The following KIAA1328 variants were observed in gnomAD, a reference collection of about 807,000 sequenced individuals.
The protein encoded by KIAA1328 is protein hinderin.
Under a neutral mutation model 68.1 loss-of-function variants are expected in KIAA1328, and 52 were observed. The ratio of observed to expected loss-of-function variants is 0.76; its 90% CI spans 0.61 to 0.96. KIAA1328 has a LOEUF of 0.96. KIAA1328 is among the 40% of genes least tolerant of loss of function. The pLI is 0.00. For missense variants in KIAA1328, 641 were observed against 677.6 expected (o/e 0.95, Z 0.60); for synonymous variants, 232 against 239.4 (o/e 0.97, Z 0.28).
chr18:37,166,574 A>G (rs779556112), intron 8 of KIAA1328, among the ~76,000 whole-genome samples: 33 of 152,170 alleles, frequency 2.2e-4, no homozygotes, highest in Non-Finnish European at 4.4e-4. Context: ...AGCAGTCTAA[A>G]AGATGGCAGC....
At chr18:37,154,233 C>T (rs984046617) in intron 7 of KIAA1328, among the ~76,000 whole-genome samples, 1 of 152,132 alleles carries the variant, frequency 6.6e-6, no homozygotes, top group African/African-American at 2.4e-5. Context: ...AATTCAGTTT[C>T]GACAAGTGGG....
At chr18:37,036,696 C>G (rs1403811566) in intron 6 of KIAA1328, among the ~76,000 whole-genome samples, 2 of 152,192 alleles carry the variant, frequency 1.3e-5, no homozygotes, top group Non-Finnish European at 2.9e-5. Context: ...AGGCCACCCT[C>G]TTTCCACATG....
chr18:36,947,179 ATGAAT>A (rs1177080000), intron 5 of KIAA1328, among the ~76,000 whole-genome samples: 2 of 152,154 alleles, frequency 1.3e-5, no homozygotes, highest in Non-Finnish European at 2.9e-5. Context: ...AAAACCAGAA[ATGAAT>A]TGTATTACAT....
chr18:37,124,209 A>G (rs1232125695), intron 7 of KIAA1328, among the ~76,000 whole-genome samples: 2 of 152,204 alleles, frequency 1.3e-5, no homozygotes, highest in African/African-American at 4.8e-5. Flanking sequence ...TAAAAAATAA[A>G]AAGAGATGTT....
chr18:36,981,256 A>G (rs758314886), intron 6 of KIAA1328, among the ~76,000 whole-genome samples: 1 of 152,222 alleles, frequency 6.6e-6, no homozygotes, highest in Admixed American at 6.5e-5. Context: ...TCAACAAATC[A>G]GAAAAGAAAG....
rs758920608 is a variant in KIAA1328, at chr18:37,222,078, C to T, written c.1585C>T (p.Gln529Ter). The part of the protein sequence containing the change: ...SLSPNSAPKP[Q>*]RYPSREAGAW... ...GAGCCCAAACTCTGCGCCCAAACCT[C>T]AGCGCTATCCCTCCAGAGAAGCTGG... Residue 529 changes from glutamine (Q) to a stop codon, truncating the protein, a stop_gained, in exon 10 of 10, where the codon CAG becomes TAG. Coordinates refer to ENST00000280020, the MANE Select transcript of KIAA1328 (RefSeq NM_020776.3). LOFTEE classifies it high-confidence loss of function. The T allele has an allele frequency of 1.9e-6, 3 of 1,613,726 alleles. No homozygotes were observed. The highest frequency in any genetic ancestry group is 2.5e-6 in the Non-Finnish European group (3 of 1,179,792).
intron 9 of KIAA1328, among the ~76,000 whole-genome samples, chr18:37,202,126 G>A (rs970309135): frequency 1.4e-5 from 2 of 139,942 alleles, no homozygotes; most frequent in Non-Finnish European, 3.0e-5. Flanking sequence ...CCTAGAGAAA[G>A]GTAAATGCTT....
At chr18:37,209,765 A>T (rs1465625658) in intron 9 of KIAA1328, among the ~76,000 whole-genome samples, 1 of 152,300 alleles carries the variant, frequency 6.6e-6, no homozygotes, top group Middle Eastern at 3.4e-3. Flanking sequence ...GAAAAAAAAA[A>T]AAGAGTTCTG....
intron 9 of KIAA1328, among the ~76,000 whole-genome samples, chr18:37,174,751 G>A (rs1414167428): frequency 2.6e-5 from 4 of 151,774 alleles, no homozygotes; most frequent in Admixed American, 6.6e-5. Flanking sequence ...ACACCACCAC[G>A]CTTGGCTAAT....
chr18:37,103,308 A>T (rs375086763), intron 7 of KIAA1328, among the ~76,000 whole-genome samples: 1 of 152,214 alleles, frequency 6.6e-6, no homozygotes, highest in Non-Finnish European at 1.5e-5. Context: ...GAAAATAGAC[A>T]CATAGACCAG....
chr18:37,173,104 T>C (rs1449897716), intron 9 of KIAA1328, 23 bp downstream of exon 9: 24 of 1,545,960 alleles, frequency 1.6e-5, no homozygotes, highest in Non-Finnish European at 2.0e-5. Flanking sequence ...GATTCTTTAG[T>C]TTTTAATATT....
chr18:37,165,927 G>A (rs2059380553), intron 8 of KIAA1328, among the ~76,000 whole-genome samples: 1 of 151,990 alleles, frequency 6.6e-6, no homozygotes, highest in Non-Finnish European at 1.5e-5. Flanking sequence ...TGTCATAAAG[G>A]GGTGTTGAAT....
intron 4 of KIAA1328, among the ~76,000 whole-genome samples, chr18:36,876,290 T>C (rs1568109378): frequency 6.6e-6 from 1 of 152,190 alleles, no homozygotes; most frequent in Non-Finnish European, 1.5e-5. Flanking sequence ...TCAATCAGTC[T>C]GGTCCTGGGA....
chr18:36,986,423 G>A (rs983183657), intron 6 of KIAA1328, among the ~76,000 whole-genome samples: 2 of 146,298 alleles, frequency 1.4e-5, no homozygotes, highest in Non-Finnish European at 3.0e-5. Flanking sequence ...CATAGGCGTG[G>A]GCAAGGACTT....
chr18:36,983,958 A>G (rs2052801611), intron 6 of KIAA1328, among the ~76,000 whole-genome samples: 1 of 152,168 alleles, frequency 6.6e-6, no homozygotes, highest in African/African-American at 2.4e-5. Flanking sequence ...GCATTTGGAA[A>G]CCAATTAACA....
intron 6 of KIAA1328, among the ~76,000 whole-genome samples, chr18:37,056,874 C>G (rs754537694): frequency 6.6e-6 from 1 of 152,098 alleles, no homozygotes; most frequent in African/African-American, 2.4e-5. Flanking sequence ...AATTCCTTAC[C>G]TTAAGTGATC....
intron 5 of KIAA1328, among the ~76,000 whole-genome samples, chr18:36,935,230 AGGTGAT>A (rs2050455769): frequency 6.6e-6 from 1 of 152,232 alleles, no homozygotes; most frequent in Admixed American, 6.5e-5. Context: ...TGGTTACAGA[AGGTGAT>A]GGCCTACTAA....
intron 5 of KIAA1328, among the ~76,000 whole-genome samples, chr18:36,928,250 A>G (rs1416558283): frequency 6.6e-6 from 1 of 152,064 alleles, no homozygotes; most frequent in African/African-American, 2.4e-5. Context: ...TATTGGGATG[A>G]AGATAAAGGT....
In KIAA1328 at chr18:37,080,219, C is replaced by T. The variant is rs1472014523; in HGVS notation, c.1232+12674C>T. Among the ~76,000 whole-genome samples the T allele has an allele frequency of 2.0e-5, 3 of 152,202 alleles. No homozygotes were observed. In the East Asian group the frequency reaches 5.8e-4, roughly 29 times the overall value. On this transcript the variant is annotated intron_variant, in intron 7 of 9. Transcript: ENST00000280020. The stretch of plus-strand genomic sequence containing the variant: ...TTCCAGAACCCAGATCTCTTTATGC[C>T]AATTGTCAGTTTAAGCTGACCATGT...
Sources: gnomAD v4.1 joint callset for allele counts (sites outside exome capture counted in the v4.1 genomes callset) on GRCh38, gnomAD v4.1.1 for gene constraint, MANE v1.5 for transcripts, NCBI Gene and HGNC (gene_info 2026-07-23, HGNC 2026-07-21) for gene names.